Variants in SLC12A1 observed in about 807,000 individuals in gnomAD.
The protein encoded by SLC12A1 is Na-K-2Cl cotransporter.
SLC12A1 carries 89 observed loss-of-function variants against 130.4 expected under a neutral mutation model. The ratio of observed to expected loss-of-function variants is 0.68; its 90% confidence interval spans 0.58 to 0.81. The LOEUF (loss-of-function observed/expected upper bound fraction) is 0.81. Ranked by LOEUF, SLC12A1 falls within the 40% of genes least tolerant of loss-of-function variation. SLC12A1 has a pLI of 0.00. For missense variants in SLC12A1, 1,310 were observed against 1,336.4 expected (o/e 0.98, Z 0.31); for synonymous variants, 499 against 460.0 (o/e 1.08, Z -1.09).
chr15:48,298,214 T>A (rs2042197913), intron 24 of SLC12A1, among the ~76,000 whole-genome samples: 1 of 152,212 alleles, frequency 6.6e-6, no homozygotes. Context: ...ATTACTAAAT[T>A]ATAACTAAGC....
rs779747441 is a variant in SLC12A1, at chr15:48,249,737, G to A, written c.1786+61G>A. 66 of 1,198,838 alleles carry A rather than the reference G, an allele frequency of 5.5e-5. 1 individual carries two copies. The highest frequency in any genetic ancestry group is 1.9e-4 in the Middle Eastern group (1 of 5,266). 74.3% of individuals were successfully genotyped at this position (1,198,838 alleles called of 1,614,324 possible). ...AACAGTTAGTTTGTCTCAATAAAAC[G>A]AAATAAATCAGTGAAAAGTGTTCAA... On this transcript the variant is annotated intron_variant, in intron 14 of 26. Coordinates refer to ENST00000380993, the MANE Select transcript of SLC12A1 (RefSeq NM_000338.3).
At chr15:48,248,060 A>G (rs2041603822) in intron 13 of SLC12A1, among the ~76,000 whole-genome samples, 1 of 152,212 alleles carries the variant, frequency 6.6e-6, no homozygotes, top group African/African-American at 2.4e-5. Flanking sequence ...AGGCACATTC[A>G]TCAACTTAAA....
chr15:48,247,078 G>T, intron 12 of SLC12A1, 62 bp downstream of exon 12: 1 of 1,330,796 alleles, frequency 7.5e-7, no homozygotes. Flanking sequence ...TGTGAATCAA[G>T]CTGAAATATT....
At position 48,244,321 on chromosome 15, in the gene SLC12A1, G is replaced by A. The variant is rs546051064; in HGVS notation, c.1301-432G>A. Among the ~76,000 whole-genome samples, 57 of 152,264 alleles carry A rather than the reference G, an allele frequency of 3.7e-4. 1 individual carries two copies. The South Asian group carries it at 0.011, about 29-fold the overall frequency. On this transcript the variant is annotated intron_variant, in intron 10 of 26. Transcript: ENST00000380993. ...ATCATTAGTTGAAAAGAGGGGCTGC[G>A]TTCTCTTAATCACTATAATAGAATT...
At chr15:48,281,759 T>G (rs1228620102) in intron 20 of SLC12A1, among the ~76,000 whole-genome samples, 7 of 152,208 alleles carry the variant, frequency 4.6e-5, no homozygotes, top group African/African-American at 1.7e-4. Flanking sequence ...ATTAAAAATG[T>G]AGTCGTGATG....
intron 20 of SLC12A1, among the ~76,000 whole-genome samples, chr15:48,280,306 C>G (rs1030043619): frequency 1.3e-5 from 2 of 152,118 alleles, no homozygotes; most frequent in Non-Finnish European, 2.9e-5. Context: ...AACTACTATT[C>G]AAAGTACTTT....
chr15:48,290,695 C>CTGCATATATATTATGCATATATGCATATA (rs1057333315), intron 23 of SLC12A1, among the ~76,000 whole-genome samples: 6 of 151,698 alleles, frequency 4.0e-5, no homozygotes, highest in African/African-American at 1.5e-4. Flanking sequence ...TGGTGTATGA[C>CTGCATATATATTATGCATATATGCATATA]TGCATATATA....
chr15:48,276,768 A>G (rs1307683303), intron 20 of SLC12A1, among the ~76,000 whole-genome samples: 5 of 152,176 alleles, frequency 3.3e-5, no homozygotes, highest in Non-Finnish European at 5.9e-5. Context: ...CAAAGACTGC[A>G]TGTAGCCAAG....
chr15:48,271,776 A>T (rs930634673), intron 19 of SLC12A1, among the ~76,000 whole-genome samples: 1 of 152,176 alleles, frequency 6.6e-6, no homozygotes, highest in African/African-American at 2.4e-5. Context: ...GGTGATCGGG[A>T]TCAGAATTTT....
chr15:48,249,038 C>G (rs983857681), intron 13 of SLC12A1, among the ~76,000 whole-genome samples: 1 of 152,080 alleles, frequency 6.6e-6, no homozygotes, highest in African/African-American at 2.4e-5. Flanking sequence ...TAGACTCTAT[C>G]TCAAAATAAT....
Position 48,249,570 on chromosome 15 carries a change from T to A in SLC12A1, c.1685-5T>A. On this transcript the variant is annotated splice_region_variant and splice_polypyrimidine_tract_variant and intron_variant, in intron 13 of 26. Transcript: ENST00000380993. Reference sequence around the variant, plus strand: ...CGTACATGTTCAATTCTGTTACTTTTACAGCGGAACTGAACACCATTGCTC... The same window carrying A: ...CGTACATGTTCAATTCTGTTACTTTAACAGCGGAACTGAACACCATTGCTC... 6.2e-7 allele frequency: 1 copy of A among 1,610,934 alleles called. No homozygotes were observed.
chr15:48,210,121 A>G (rs1289832722), intron 2 of SLC12A1, among the ~76,000 whole-genome samples: 4 of 152,170 alleles, frequency 2.6e-5, no homozygotes, highest in Non-Finnish European at 4.4e-5. Flanking sequence ...GAAAAAGGAG[A>G]AGAGAAAGGA....
intron 24 of SLC12A1, among the ~76,000 whole-genome samples, chr15:48,293,125 T>A (rs1191008963): frequency 6.6e-6 from 1 of 152,184 alleles, no homozygotes; most frequent in Non-Finnish European, 1.5e-5. Context: ...CCCAGGCTGG[T>A]CTCAAGCCCC....
At chr15:48,256,897 CTCA>C (rs2041714680) in intron 16 of SLC12A1, among the ~76,000 whole-genome samples, 1 of 128,766 alleles carries the variant, frequency 7.8e-6, no homozygotes, top group Admixed American at 9.6e-5. Context: ...AAAGTCTTAA[CTCA>C]TTTCAGCATT....
rs113958919 is a variant in SLC12A1 at position 48,281,764 on chromosome 15, G to A, written c.2486-3342G>A. Among the ~76,000 whole-genome samples, 34 of 152,312 alleles carry A rather than the reference G, an allele frequency of 2.2e-4. No homozygotes were observed. The East Asian group carries it at 4.8e-3, about 22-fold the overall frequency. On this transcript the variant is annotated intron_variant, in intron 20 of 26. Coordinates refer to ENST00000380993, the MANE Select transcript of SLC12A1 (RefSeq NM_000338.3). ...ATTTCTGAAAATTAAAAATGTAGTC[G>A]TGATGGTGGTGATGATAGAAAAAGT...
intron 2 of SLC12A1, among the ~76,000 whole-genome samples, chr15:48,211,341 T>G (rs2041049834): frequency 1.3e-5 from 2 of 152,224 alleles, no homozygotes; most frequent in Admixed American, 1.3e-4. Context: ...TGCTTGCTAA[T>G]GAATTTGACT....
intron 2 of SLC12A1, among the ~76,000 whole-genome samples, chr15:48,216,909 G>T (rs1047649006): frequency 3.3e-5 from 5 of 152,130 alleles, no homozygotes; most frequent in Non-Finnish European, 7.4e-5. Flanking sequence ...TCATGCATCT[G>T]AAATTGACTG....
rs200514423 is a variant in SLC12A1, at chr15:48,285,190, T to A, written c.2570T>A (p.Ile857Asn). Residue 857 changes from isoleucine (I) to asparagine (N), a missense_variant, in exon 21 of 27, where the codon ATC becomes AAC. Ile to Asn is a moderately radical substitution (Grantham distance 149, BLOSUM62 -3). Coordinates refer to ENST00000380993, the MANE Select transcript of SLC12A1 (RefSeq NM_000338.3). Reference sequence around the variant, plus strand: ...GAGTGTGAAGAGGAAAGTGGAGGCATCCGAGGCTTGTTTAAAAAAGCTGGC... The same window carrying A: ...GAGTGTGAAGAGGAAAGTGGAGGCAACCGAGGCTTGTTTAAAAAAGCTGGC... ...DNECEEESGG[I>N]RGLFKKAGKL... The A allele has an allele frequency of 5.0e-5, 81 of 1,613,852 alleles. No individual in the cohort carries two copies. The Middle Eastern group carries it at 1.3e-3, about 26-fold the overall frequency.
intron 9 of SLC12A1, among the ~76,000 whole-genome samples, chr15:48,240,402 T>G (rs1227774089): frequency 2.0e-5 from 3 of 152,112 alleles, no homozygotes; most frequent in Admixed American, 6.6e-5. Context: ...TGTGTACAGA[T>G]ACTCCTAGAA....
Sources: allele counts gnomAD v4.1 joint callset (sites outside exome capture counted in the v4.1 genomes callset), GRCh38; gene constraint gnomAD v4.1.1; transcripts MANE v1.5; gene names NCBI Gene and HGNC (gene_info 2026-07-23, HGNC 2026-07-21).